The following CNTLN variants were observed in gnomAD, a reference collection of about 807,000 sequenced individuals.
CNTLN encodes centlein, centrosomal protein.
Under a neutral mutation model 180.0 loss-of-function variants are expected in CNTLN, and 212 were observed. That is an observed-to-expected ratio of 1.18 (90% CI 1.05 to 1.32). CNTLN has a LOEUF of 1.32. Ranked by LOEUF, CNTLN falls within the 40% of genes most tolerant of loss-of-function variation. The probability of loss-of-function intolerance (pLI) is 0.00; values close to 1 mark genes in which losing one functional copy is unlikely to be tolerated. For synonymous variants in CNTLN, 722 were observed against 563.1 expected (o/e 1.28, Z -3.99); for missense variants, 2,095 against 1,610.9 (o/e 1.30, Z -5.14).
At chr9:17,329,841 A>G (rs1426633491) in intron 8 of CNTLN, among the ~76,000 whole-genome samples, 1 of 151,724 alleles carries the variant, frequency 6.6e-6, no homozygotes, top group African/African-American at 2.4e-5. Flanking sequence ...TGTTAGAATC[A>G]TAAGATTTGA....
chr9:17,526,195 AAAGTGCTGGG>A, the CNTLN span, among the ~76,000 whole-genome samples: 1 of 152,100 alleles, frequency 6.6e-6, no homozygotes, highest in African/African-American at 2.4e-5. Context: ...TCGGCCTCCC[AAAGTGCTGGG>A]ATTACAGGCG....
the CNTLN span, among the ~76,000 whole-genome samples, chr9:17,513,817 G>A: frequency 2.0e-5 from 3 of 152,044 alleles, no homozygotes; most frequent in Non-Finnish European, 2.9e-5. Context: ...AAGATATAAC[G>A]AAGCTGATCT....
intron 2 of CNTLN, among the ~76,000 whole-genome samples, chr9:17,153,331 C>G (rs1470546445): frequency 1.3e-5 from 2 of 152,148 alleles, no homozygotes; most frequent in Non-Finnish European, 2.9e-5. Context: ...CTTTCAGAAG[C>G]TCTTGTAAGG....
chr9:17,236,452 T>C lies in CNTLN; in HGVS notation c.713T>C (p.Leu238Pro), dbSNP rs1275313258. The change falls in exon 5 of 26, where the codon CTA becomes CCA. Residue 238 changes from leucine (L) to proline (P), a missense_variant. Coordinates refer to ENST00000380647, the MANE Select transcript of CNTLN (RefSeq NM_017738.4). Reference protein sequence around the residue: ...CVQNKEEQNRLVIKNLEEENK... With the variant: ...CVQNKEEQNRPVIKNLEEENK... ...CAGAACAAAGAAGAGCAAAACAGAC[T>C]AGTTATAAAAAATCTGGAGGAGGAA... 1.2e-6 allele frequency: 2 copies of C among 1,613,648 alleles called. No individual in the cohort carries two copies. Among genetic ancestry groups the C allele is most frequent in the South Asian group, 1.1e-5 (1 of 91,058 alleles).
intron 18 of CNTLN, among the ~76,000 whole-genome samples, chr9:17,423,677 T>G (rs1452743030): frequency 6.6e-6 from 1 of 152,002 alleles, no homozygotes; most frequent in South Asian, 2.1e-4. Flanking sequence ...GCAGGACACT[T>G]TAGTTAGCTG....
At chr9:17,398,172 A>G (rs1041979309) in intron 15 of CNTLN, among the ~76,000 whole-genome samples, 2 of 152,198 alleles carry the variant, frequency 1.3e-5, no homozygotes, top group Non-Finnish European at 2.9e-5. Flanking sequence ...TATCTTCAAG[A>G]AGAAAAATAG....
rs1373347347 is a variant in CNTLN at position 17,311,036 on chromosome 9, T to C, written c.1341+1784T>C. 2.0e-5 allele frequency among the ~76,000 whole-genome samples: 3 copies of C among 152,144 alleles called. No individual in the cohort carries two copies. The East Asian group carries it at 5.8e-4, about 29-fold the overall frequency. On this transcript the variant is annotated intron_variant, in intron 8 of 25. Transcript: ENST00000380647. ...GAACAGAAATTAAATTACTTCTTTT[T>C]TTTTTGAGACAGAGTTTTGCTTTTG... is the stretch of plus-strand genomic sequence containing the variant.
At chr9:17,221,275 G>A (rs929940626) in intron 2 of CNTLN, among the ~76,000 whole-genome samples, 1 of 151,920 alleles carries the variant, frequency 6.6e-6, no homozygotes, top group Non-Finnish European at 1.5e-5. Flanking sequence ...TAAAATAGTT[G>A]TATAAATCAA....
chr9:17,392,223 C>T (rs1250981043), intron 14 of CNTLN, among the ~76,000 whole-genome samples: 3 of 152,030 alleles, frequency 2.0e-5, no homozygotes, highest in East Asian at 3.9e-4. Context: ...CATGATCGAG[C>T]CATGGCACTC....
At chr9:17,381,219 C>T (rs937561406) in intron 13 of CNTLN, among the ~76,000 whole-genome samples, 75 of 152,344 alleles carry the variant, frequency 4.9e-4, no homozygotes, top group East Asian at 1.2e-3. Flanking sequence ...GGCCTTTATG[C>T]TGCCAGTGAT....
Position 17,457,551 on chromosome 9 carries a change from C to A in CNTLN, c.3142C>A (p.Arg1048=). The stretch of plus-strand genomic sequence containing the variant: ...GCTAAATTTGGATTTGGCTGGGCTT[C>A]GGAAAGAAAAAGAAGATTTACTAAA... ...KKLNLDLAGL[R]KEKEDLLKKL... Residue 1048 remains arginine, a synonymous_variant, in exon 19 of 26, where the codon CGG becomes AGG. Coordinates refer to ENST00000380647, the MANE Select transcript of CNTLN (RefSeq NM_017738.4). 1 of 1,503,428 alleles carries A rather than the reference C, an allele frequency of 6.7e-7. No homozygotes were observed. The highest frequency in any genetic ancestry group is 8.9e-7 in the Non-Finnish European group (1 of 1,123,346). 93.1% of individuals were successfully genotyped at this position (1,503,428 alleles called of 1,614,324 possible). A position where few individuals can be genotyped will look rare whatever the true frequency, so the allele number is the denominator to read the frequency against.
chr9:17,460,183 TA>T (rs1247233885), intron 19 of CNTLN, among the ~76,000 whole-genome samples: 1 of 151,608 alleles, frequency 6.6e-6, no homozygotes, highest in East Asian at 1.9e-4. Context: ...ACAGAAAGAA[TA>T]AGTTACTTGT....
chr9:17,435,931 G>A (rs2593412), intron 18 of CNTLN, among the ~76,000 whole-genome samples: 64,082 of 151,830 alleles, frequency 0.42, 15,953 homozygotes, highest in Non-Finnish European at 0.55. Context: ...CCTAGCCCTC[G>A]TCCACCCAGC....
At chr9:17,336,088 A>G (rs1821014613) in intron 10 of CNTLN, among the ~76,000 whole-genome samples, 1 of 152,128 alleles carries the variant, frequency 6.6e-6, no homozygotes, top group Admixed American at 6.6e-5. Context: ...AGGAAAATAT[A>G]TTAATTAGTG....
intron 5 of CNTLN, among the ~76,000 whole-genome samples, chr9:17,247,528 A>C (rs1213941282): frequency 6.6e-6 from 1 of 152,220 alleles, no homozygotes; most frequent in African/African-American, 2.4e-5. Flanking sequence ...TGTGTGTGTT[A>C]CTTGAGACTG....
intron 6 of CNTLN, among the ~76,000 whole-genome samples, chr9:17,283,806 C>A (rs966970662): frequency 6.6e-6 from 1 of 151,978 alleles, no homozygotes; most frequent in Non-Finnish European, 1.5e-5. Flanking sequence ...TAACATGAAG[C>A]GATGTTGAAT....
chr9:17,315,245 T>G (rs1819461393), intron 8 of CNTLN, among the ~76,000 whole-genome samples: 1 of 152,134 alleles, frequency 6.6e-6, no homozygotes, highest in Non-Finnish European at 1.5e-5. Context: ...TGAACAGTAT[T>G]TTTTAGATGG....
chr9:17,526,394 A>T, the CNTLN span, among the ~76,000 whole-genome samples: 3 of 152,236 alleles, frequency 2.0e-5, no homozygotes, highest in African/African-American at 7.2e-5. Flanking sequence ...CAGACTTAGT[A>T]CAAAAAAACT....
intron 6 of CNTLN, among the ~76,000 whole-genome samples, chr9:17,276,696 A>G (rs1243339159): frequency 6.6e-6 from 1 of 152,046 alleles, no homozygotes; most frequent in African/African-American, 2.4e-5. Flanking sequence ...AAATCTACAG[A>G]TGCTCAAGCC....
Sources: gnomAD v4.1 joint callset for allele counts (sites outside exome capture counted in the v4.1 genomes callset) on GRCh38, gnomAD v4.1.1 for gene constraint, MANE v1.5 for transcripts, NCBI Gene and HGNC (gene_info 2026-07-23, HGNC 2026-07-21) for gene names.